The following PIEZO2 variants were observed in gnomAD, a reference collection of about 807,000 sequenced individuals.
PIEZO2 encodes the protein piezo-type mechanosensitive ion channel component 2.
Under a neutral mutation model 337.3 loss-of-function variants are expected in PIEZO2, and 172 were observed. The ratio of observed to expected loss-of-function variants is 0.51; its 90% CI spans 0.45 to 0.58. The LOEUF (loss-of-function observed/expected upper bound fraction) is 0.58. Ranked by LOEUF, PIEZO2 falls within the 20% of genes least tolerant of loss-of-function variation. PIEZO2 has a pLI of 0.00. For missense variants in PIEZO2, 3,028 were observed against 3,391.3 expected, an observed-to-expected ratio of 0.89 and a Z score of 2.66; for synonymous variants, 1,251 against 1,228.5, an observed-to-expected ratio of 1.02 and a Z score of -0.38.
Position 11,129,472 on chromosome 18 carries a change from A to G in PIEZO2, c.64+19053T>C, listed in dbSNP as rs1163690700. Among the ~76,000 whole-genome samples the G allele has an allele frequency of 6.6e-6, 1 of 152,192 alleles. No homozygotes were observed. Among genetic ancestry groups the G allele is most frequent in the Non-Finnish European group, 1.5e-5 (1 of 68,032 alleles). ...TTGATAGGAAGCCTACTGCATTCTTACTTAAATTATACAAACAGAAAACTT... is the reference window on the plus strand; with the variant it reads ...TTGATAGGAAGCCTACTGCATTCTTGCTTAAATTATACAAACAGAAAACTT... On this transcript the variant is annotated intron_variant, in intron 1 of 55. Transcript: ENST00000674853. The surrounding 1 kb of genome is among the most constrained non-coding windows in gnomAD (Gnocchi z 4.6).
rs911840108 is a variant in PIEZO2 at position 10,916,768 on chromosome 18, C to T, written c.287-5540G>A. Among the ~76,000 whole-genome samples, 9 of 152,158 alleles carry T rather than the reference C, an allele frequency of 5.9e-5. No individual in the cohort carries two copies. In the South Asian group the frequency reaches 1.0e-3, roughly 18 times the overall value. ...GGCTGAAGGGCTTCTCAAGCATTGCCAGAGCGGGCCCCAAGGCGGAGGAGG... is the reference window on the plus strand; with the variant it reads ...GGCTGAAGGGCTTCTCAAGCATTGCTAGAGCGGGCCCCAAGGCGGAGGAGG... On this transcript the variant is annotated intron_variant, in intron 3 of 55. Coordinates refer to ENST00000674853, the MANE Select transcript of PIEZO2 (RefSeq NM_001378183.1).
At chr18:10,947,840 T>C (rs2033104953) in intron 3 of PIEZO2, among the ~76,000 whole-genome samples, 1 of 152,198 alleles carries the variant, frequency 6.6e-6, no homozygotes, top group Non-Finnish European at 1.5e-5. Context: ...AGAGAAATGC[T>C]AGTATACTAT....
At chr18:10,812,410 A>T (rs905358352) in intron 7 of PIEZO2, among the ~76,000 whole-genome samples, 9 of 152,176 alleles carry the variant, frequency 5.9e-5, no homozygotes, top group South Asian at 2.1e-4. Context: ...GAGGATGTAA[A>T]AAACACTCAT....
At chr18:11,076,082 G>A (rs1421401895) in intron 1 of PIEZO2, among the ~76,000 whole-genome samples, 4 of 152,054 alleles carry the variant, frequency 2.6e-5, no homozygotes, top group Admixed American at 6.6e-5. Context: ...CACCGTGCCC[G>A]GCCTACAGAT....
intron 9 of PIEZO2, 57 bp from the exon 10 acceptor site, chr18:10,801,485 T>C (rs1044025312): frequency 7.1e-7 from 1 of 1,413,846 alleles, no homozygotes; most frequent in African/African-American, 1.4e-5. Flanking sequence ...CATTTTACTG[T>C]TTATGTATCT....
At chr18:10,760,547 T>G (rs1352156383) in intron 24 of PIEZO2, among the ~76,000 whole-genome samples, 20 of 152,196 alleles carry the variant, frequency 1.3e-4, no homozygotes, top group African/African-American at 4.3e-4. Flanking sequence ...TCAGAAGATC[T>G]GCCTGCCTTG....
intron 40 of PIEZO2, among the ~76,000 whole-genome samples, chr18:10,706,434 T>C (rs2035590208): frequency 1.3e-5 from 2 of 152,116 alleles, no homozygotes; most frequent in African/African-American, 4.8e-5. Context: ...CCTGTGGGAC[T>C]CCAGCCACTC....
intron 7 of PIEZO2, among the ~76,000 whole-genome samples, chr18:10,829,443 T>G (rs1344704070): frequency 6.6e-6 from 1 of 152,086 alleles, no homozygotes; most frequent in Non-Finnish European, 1.5e-5. Flanking sequence ...GTACTGGAAG[T>G]CCCAGCTAGC....
chr18:10,874,463 T>A (rs1354680813), intron 4 of PIEZO2, among the ~76,000 whole-genome samples: 1 of 152,128 alleles, frequency 6.6e-6, no homozygotes, highest in Non-Finnish European at 1.5e-5. Context: ...CACTGCTAGG[T>A]ATATACTCAA....
At chr18:10,918,416 T>C (rs1202110303) in intron 3 of PIEZO2, among the ~76,000 whole-genome samples, 3 of 152,106 alleles carry the variant, frequency 2.0e-5, no homozygotes, top group Admixed American at 2.0e-4. Flanking sequence ...CTTAAGTATA[T>C]GATAATTGCT....
In PIEZO2 at chr18:11,021,167, C is replaced by A. The variant is rs2036295579; in HGVS notation, c.161-41507G>T. 6.6e-6 allele frequency among the ~76,000 whole-genome samples: 1 copy of A among 152,104 alleles called. No individual in the cohort carries two copies. Among genetic ancestry groups the A allele is most frequent in the Non-Finnish European group, 1.5e-5 (1 of 68,004 alleles). On this transcript the variant is annotated intron_variant, in intron 2 of 55. Transcript: ENST00000674853. The surrounding 1 kb of genome is among the most constrained non-coding windows in gnomAD (Gnocchi z 4.7). ...ATCATGAAAGAAACTCTAGTCATCTCCACCGGTTCTCCAAACCACACCATC... is the reference window on the plus strand; with the variant it reads ...ATCATGAAAGAAACTCTAGTCATCTACACCGGTTCTCCAAACCACACCATC...
At chr18:11,056,998 G>A (rs1598893208) in intron 2 of PIEZO2, among the ~76,000 whole-genome samples, 1 of 152,214 alleles carries the variant, frequency 6.6e-6, no homozygotes, top group Non-Finnish European at 1.5e-5. Flanking sequence ...GAAGACTGAA[G>A]GGAGAGGACA....
At chr18:10,976,661 CTGACATGT>C (rs969825402) in intron 3 of PIEZO2, among the ~76,000 whole-genome samples, 1 of 152,170 alleles carries the variant, frequency 6.6e-6, no homozygotes, top group Non-Finnish European at 1.5e-5. Context: ...ATGTTAGATG[CTGACATGT>C]TCAAACTGTA....
chr18:10,741,634 T>G (rs527514040), intron 32 of PIEZO2, among the ~76,000 whole-genome samples: 1 of 152,352 alleles, frequency 6.6e-6, no homozygotes, highest in East Asian at 1.9e-4. Context: ...CAAGCCTCTA[T>G]AAAAGATCCT....
chr18:10,841,326 C>T (rs1450593134), intron 7 of PIEZO2, among the ~76,000 whole-genome samples: 2 of 152,072 alleles, frequency 1.3e-5, no homozygotes, highest in East Asian at 3.9e-4. Flanking sequence ...ATTCCCTCCC[C>T]TGGTGCTGGG....
chr18:10,709,543 C>T (rs981609757), intron 39 of PIEZO2: 2 of 152,280 alleles, frequency 1.3e-5, no homozygotes, highest in Non-Finnish European at 1.5e-5. Context: ...ACTCTGTCAT[C>T]AAGTGAACTC....
At position 10,870,924 on chromosome 18, in the gene PIEZO2, A is replaced by G. The variant is rs890911892; in HGVS notation, c.492+329T>C. On this transcript the variant is annotated intron_variant, in intron 5 of 55. Coordinates refer to ENST00000674853, the MANE Select transcript of PIEZO2 (RefSeq NM_001378183.1). The surrounding 1 kb of genome is among the most constrained non-coding windows in gnomAD (Gnocchi z 5.3). ...ATATTCTGCAATAACTAAGGTACCC[A>G]GACCAATTGAACCATAACACTATGT... Among the ~76,000 whole-genome samples, 4 of 152,094 alleles carry G rather than the reference A, an allele frequency of 2.6e-5. No homozygotes were observed. The highest frequency in any genetic ancestry group is 5.9e-5 in the Non-Finnish European group (4 of 68,028).
Position 10,676,108 on chromosome 18 carries a change from G to A in PIEZO2, c.8082-820C>T, listed in dbSNP as rs2033989384. On this transcript the variant is annotated intron_variant, in intron 53 of 55. Transcript: ENST00000674853. This position sits in a 1 kb window ranked among gnomAD's most constrained non-coding sequence, Gnocchi z 5.1. ...GGGGAGTGAGAGGTGAAGAGAGATGGTGGCCTGGACCTCGAGTGACCTCTG... is the reference window on the plus strand; with the variant it reads ...GGGGAGTGAGAGGTGAAGAGAGATGATGGCCTGGACCTCGAGTGACCTCTG... Among the ~76,000 whole-genome samples, 1 of 152,208 alleles carries A rather than the reference G, an allele frequency of 6.6e-6. No individual in the cohort carries two copies. The highest frequency in any genetic ancestry group is 1.5e-5 in the Non-Finnish European group (1 of 68,040).
intron 7 of PIEZO2, among the ~76,000 whole-genome samples, chr18:10,820,434 T>C (rs2040489148): frequency 6.6e-6 from 1 of 152,070 alleles, no homozygotes; most frequent in Non-Finnish European, 1.5e-5. Context: ...TCTTTTCTTC[T>C]GTGGTATTTA....
Sources: gnomAD v4.1 joint callset for allele counts (sites outside exome capture counted in the v4.1 genomes callset) on GRCh38, gnomAD v4.1.1 for gene constraint, Gnocchi (gnomAD v3.1) non-coding constraint, MANE v1.5 for transcripts, NCBI Gene and HGNC (gene_info 2026-07-23, HGNC 2026-07-21) for gene names.